WNT11: variants seen among roughly 807,000 people sequenced by gnomAD.
The protein encoded by WNT11 is protein Wnt-11.
Under a neutral mutation model 35.6 loss-of-function variants are expected in WNT11, and 20 were observed. That is an observed-to-expected ratio of 0.56 (90% CI 0.40 to 0.82). The LOEUF (loss-of-function observed/expected upper bound fraction) is 0.82. Ranked by LOEUF, WNT11 falls within the 40% of genes least tolerant of loss-of-function variation. The pLI, the probability that WNT11 is intolerant of heterozygous loss-of-function variation, is 0.00. For synonymous variants in WNT11, 200 were observed against 211.9 expected (o/e 0.94, Z 0.49); for missense variants, 459 against 504.4 (o/e 0.91, Z 0.86).
intron 4 of WNT11, among the ~76,000 whole-genome samples, chr11:76,187,527 G>GCA: frequency 6.7e-6 from 1 of 150,358 alleles, no homozygotes; most frequent in Non-Finnish European, 1.5e-5. Context: ...CAGTGGTTGT[G>GCA]ATCATGGCTC....
chr11:76,210,721 G>A (rs1057451967), upstream of WNT11: 54 of 966,094 alleles, frequency 5.6e-5, no homozygotes, highest in African/African-American at 9.2e-4. Flanking sequence ...GCCTGTGCTC[G>A]CCGCTCGCCC....
chr11:76,186,486 A>G lies in WNT11; in HGVS notation c.*579T>C, dbSNP rs1330191092. 6.7e-6 allele frequency: 1 copy of G among 148,772 alleles called. No individual in the cohort carries two copies. The highest frequency in any genetic ancestry group is 1.5e-5 in the Non-Finnish European group (1 of 67,312). The allele number at this position is 148,772 out of a possible 1,614,324, so 9.2% of individuals were successfully genotyped here. ...AATAGAGATCATTATATATATACAT[A>G]TATATTTATATATATAAAATATATA... is the stretch of plus-strand genomic sequence containing the variant. On this transcript the variant is annotated 3_prime_UTR_variant, in exon 5 of 5. Transcript: ENST00000322563.
chr11:76,192,005 T>G lies in WNT11; in HGVS notation c.598-149A>C, dbSNP rs55732084. 3,510 of 1,085,966 alleles carry G rather than the reference T, an allele frequency of 3.2e-3. 76 individuals are homozygous for G. In the African/African-American group the frequency reaches 0.049, roughly 15 times the overall value. 67.3% of individuals were successfully genotyped at this position (1,085,966 alleles called of 1,614,324 possible). ...GTGATAGAGCTTTTTGCTTTAAAGC[T>G]TGGAGGTGGTGTGGGCCTTCCTGCA... On this transcript the variant is annotated intron_variant, in intron 3 of 4. Transcript: ENST00000322563.
At position 76,186,667 on chromosome 11, in the gene WNT11, C is replaced by T. The variant is rs575168112; in HGVS notation, c.*398G>A. On this transcript the variant is annotated 3_prime_UTR_variant, in exon 5 of 5. Transcript: ENST00000322563. Reference sequence around the variant, plus strand: ...TGTGGTGGGCCCAGCAGGCTCAGACCCCAGGGTGGGCCAGGGGGTCCCGCA... The same window carrying T: ...TGTGGTGGGCCCAGCAGGCTCAGACTCCAGGGTGGGCCAGGGGGTCCCGCA... 7.1e-5 allele frequency: 25 copies of T among 351,322 alleles called. No individual in the cohort carries two copies. The highest frequency in any genetic ancestry group is 5.2e-4 in the Admixed American group (14 of 26,702). The allele number at this position is 351,322 out of a possible 1,614,324, so 21.8% of individuals were successfully genotyped here. A position where few individuals can be genotyped will look rare whatever the true frequency, so the allele number is the denominator to read the frequency against.
upstream of WNT11, chr11:76,210,693 C>T (rs565409422): frequency 6.1e-6 from 6 of 983,938 alleles, no homozygotes; most frequent in African/African-American, 7.0e-5. Context: ...CTGCTCTCTG[C>T]TGCGCTCAGC....
Position 76,194,627 on chromosome 11 carries a change from T to A in WNT11, c.537A>T (p.Lys179Asn). Reference protein sequence around the residue: ...AKFSDAPMKVKKTGSQANKLM... With the variant: ...AKFSDAPMKVNKTGSQANKLM... ...GTTTATTGGCTTGGGATCCTGTTTT[T>A]TTCACCTTCATAGGAGCATCGGAAA... Residue 179 changes from lysine (K) to asparagine (N), a missense_variant, in exon 3 of 5, where the codon AAA becomes AAT. Physicochemically the swap from Lys to Asn is moderately conservative, Grantham distance 94. Transcript: ENST00000322563. The surrounding 1 kb of genome is among the most constrained non-coding windows in gnomAD (Gnocchi z 5.4). The A allele has an allele frequency of 1.9e-6, 3 of 1,550,620 alleles. 1 individual carries two copies. Among genetic ancestry groups the A allele is most frequent in the Non-Finnish European group, 2.6e-6 (3 of 1,146,944 alleles).
In WNT11 at chr11:76,194,440, C is replaced by G. The variant is rs1402749891; in HGVS notation, c.597+127G>C. ...GGCTGAGGATGAGGATGGTGCGAGG[C>G]ACATCAGGTGTGGGCCAGTCAGGGC... On this transcript the variant is annotated intron_variant, in intron 3 of 4. Transcript: ENST00000322563. This position sits in a 1 kb window ranked among gnomAD's most constrained non-coding sequence, Gnocchi z 5.4. The G allele has an allele frequency of 8.8e-7, 1 of 1,131,310 alleles. No individual in the cohort carries two copies. The highest frequency in any genetic ancestry group is 1.2e-6 in the Non-Finnish European group (1 of 808,772). 70.1% of individuals were successfully genotyped at this position (1,131,310 alleles called of 1,614,324 possible).
chr11:76,196,792 C>T, intron 1 of WNT11, 74 bp from the exon 2 acceptor site: 1 of 1,449,364 alleles, frequency 6.9e-7, no homozygotes, highest in Non-Finnish European at 9.3e-7. Context: ...CCTCCACCCG[C>T]CCTTCTGGCC....
chr11:76,204,333 C>T (rs979340341), intron 1 of WNT11, among the ~76,000 whole-genome samples: 5 of 152,130 alleles, frequency 3.3e-5, no homozygotes, highest in African/African-American at 1.2e-4. Context: ...CTTACATGAC[C>T]CAAGCTCTCG....
rs750112934 is a variant in WNT11, at chr11:76,196,535, C to A, written c.267G>T (p.Trp89Cys). The change falls in exon 2 of 5, where the codon TGG (tryptophan) becomes TGT (cysteine). Residue 89 changes from tryptophan to cysteine, a missense_variant. Physicochemically the swap from Trp to Cys is radical, Grantham distance 215. Transcript: ENST00000322563. The stretch of plus-strand genomic sequence containing the variant: ...GGGCGAGCTCAATGGAGGAGCAGTT[C>A]CAGCGCATGTCGGCAAAGGCCCGGC... ...ACRRAFADMR[W>C]NCSSIELAPN... 6.2e-7 allele frequency: 1 copy of A among 1,613,614 alleles called. No homozygotes were observed.
chr11:76,207,269 A>G (rs1392275478), upstream of WNT11, among the ~76,000 whole-genome samples: 1 of 152,230 alleles, frequency 6.6e-6, no homozygotes, highest in Non-Finnish European at 1.5e-5. Context: ...AGGCTGAGGC[A>G]GGAGAACCGC....
rs563833119 is a variant in WNT11, at chr11:76,186,895, CCTT to C, written c.*167_*169del. On this transcript the variant is annotated 3_prime_UTR_variant, in exon 5 of 5. Transcript: ENST00000322563. The stretch of plus-strand genomic sequence containing the variant: ...CTGCCCTCCTTCCAGGGTGGCCAGA[CCTT>C]CTGTTCCTGGTGGCTTCCAAGTGAA... 161 of 1,014,164 alleles carry C rather than the reference CCTT, an allele frequency of 1.6e-4. No homozygotes were observed. The East Asian group carries it at 3.9e-3, about 25-fold the overall frequency. The allele number at this position is 1,014,164 out of a possible 1,614,324, so 62.8% of individuals were successfully genotyped here. A position where few individuals can be genotyped will look rare whatever the true frequency, so the allele number is the denominator to read the frequency against.
chr11:76,197,532 T>G (rs887815349), intron 1 of WNT11, among the ~76,000 whole-genome samples: 4 of 152,182 alleles, frequency 2.6e-5, no homozygotes, highest in Non-Finnish European at 5.9e-5. Context: ...AGAGTCAGGA[T>G]GCACATTTAC....
intron 4 of WNT11, among the ~76,000 whole-genome samples, 175 bp downstream of exon 4, chr11:76,191,389 G>A (rs1953181449): frequency 6.6e-6 from 1 of 152,142 alleles, no homozygotes; most frequent in Admixed American, 6.5e-5. Context: ...CTCTGCAGGG[G>A]ACCCTAGAAC....
chr11:76,206,455 C>G lies in WNT11; in HGVS notation c.-48G>C, dbSNP rs778212668. On this transcript the variant is annotated 5_prime_UTR_variant, in exon 1 of 5. Transcript: ENST00000322563. Reference sequence around the variant, plus strand: ...GGGTCACACCCAGGAGGAGCCGCGCCGAAGTCCTCCGCCTGCACGGCCGCC... The same window carrying G: ...GGGTCACACCCAGGAGGAGCCGCGCGGAAGTCCTCCGCCTGCACGGCCGCC... 4 of 1,370,402 alleles carry G rather than the reference C, an allele frequency of 2.9e-6. No individual in the cohort carries two copies. Among genetic ancestry groups the G allele is most frequent in the Non-Finnish European group, 3.8e-6 (4 of 1,062,354 alleles). 84.9% of individuals were successfully genotyped at this position (1,370,402 alleles called of 1,614,324 possible). A position where few individuals can be genotyped will look rare whatever the true frequency, so the allele number is the denominator to read the frequency against.
In WNT11 at chr11:76,194,407, G is replaced by C. The variant is rs73005316; in HGVS notation, c.597+160C>G. Among the ~76,000 whole-genome samples, 29,488 of 151,798 alleles carry C rather than the reference G, an allele frequency of 0.19. 3,126 individuals carry two copies. The highest frequency in any genetic ancestry group is 0.27 in the Middle Eastern group (79 of 292). On this transcript the variant is annotated intron_variant, in intron 3 of 4. Transcript: ENST00000322563. This position sits in a 1 kb window ranked among gnomAD's most constrained non-coding sequence, Gnocchi z 5.4. Reference sequence around the variant, plus strand: ...GCGACACAAGCCCCAAGCAGCTGGCGAGGGAAGGGCTGAGGATGAGGATGG... The same window carrying C: ...GCGACACAAGCCCCAAGCAGCTGGCCAGGGAAGGGCTGAGGATGAGGATGG...
chr11:76,194,208 C>G lies in WNT11; in HGVS notation c.597+359G>C, dbSNP rs1953233229. Among the ~76,000 whole-genome samples the G allele has an allele frequency of 6.6e-6, 1 of 151,876 alleles. No individual in the cohort carries two copies. The highest frequency in any genetic ancestry group is 2.4e-5 in the African/African-American group (1 of 41,338). ...AGATGGGGACTCAGCACCAGGTCACCCCCACCATTTCATAGATGGGAACAG... is the reference window on the plus strand; with the variant it reads ...AGATGGGGACTCAGCACCAGGTCACGCCCACCATTTCATAGATGGGAACAG... On this transcript the variant is annotated intron_variant, in intron 3 of 4. Coordinates refer to ENST00000322563, the MANE Select transcript of WNT11 (RefSeq NM_004626.3). The surrounding 1 kb of genome is among the most constrained non-coding windows in gnomAD (Gnocchi z 5.4).
Position 76,191,788 on chromosome 11 carries a change from G to C in WNT11, c.666C>G (p.Thr222=). ...GCAGCTCCTGCAGCCCCTTCCAGCA[G>C]GTGCGGATGGAGCAGGAGCCAGACA... ...HGVSGSCSIR[T]CWKGLQELQD... Residue 222 remains threonine (T), a synonymous_variant, in exon 4 of 5, where the codon ACC becomes ACG. Transcript: ENST00000322563. 1 of 1,612,074 alleles carries C rather than the reference G, an allele frequency of 6.2e-7. No homozygotes were observed. The highest frequency in any genetic ancestry group is 2.2e-5 in the East Asian group (1 of 44,882).
chr11:76,191,659 G>C lies in WNT11; in HGVS notation c.795C>G (p.Ile265Met), dbSNP rs1286189100. Residue 265 changes from isoleucine (I) to methionine (M), a missense_variant, in exon 4 of 5, where the codon ATC (isoleucine) becomes ATG (methionine). Coordinates refer to ENST00000322563, the MANE Select transcript of WNT11 (RefSeq NM_004626.3). ...CGAGTTCCGAGTCCTTCACAGGCCG[G>C]ATATCCAGGTCCTTGGGCACCAGGT... Reference protein sequence around the residue: ...RKHLVPKDLDIRPVKDSELVY... With the variant: ...RKHLVPKDLDMRPVKDSELVY... 1 of 1,613,928 alleles carries C rather than the reference G, an allele frequency of 6.2e-7. No homozygotes were observed. Among genetic ancestry groups the C allele is most frequent in the Non-Finnish European group, 8.5e-7 (1 of 1,180,046 alleles).
Sources: allele counts gnomAD v4.1 joint callset (sites outside exome capture counted in the v4.1 genomes callset), GRCh38; gene constraint gnomAD v4.1.1; non-coding constraint Gnocchi (gnomAD v3.1); transcripts MANE v1.5; gene names NCBI Gene and HGNC (gene_info 2026-07-23, HGNC 2026-07-21).